Variants in GRID1 observed in about 807,000 individuals in gnomAD.
The protein encoded by GRID1 is glutamate ionotropic receptor delta type subunit 1.
In GRID1, 28 loss-of-function variants were observed where a neutral mutation model predicts 98.0. The ratio of observed to expected loss-of-function variants is 0.29; its 90% CI spans 0.21 to 0.39. GRID1 has a LOEUF of 0.39. Among genes scored for constraint, GRID1 ranks in the 10% least tolerant of loss-of-function variants. GRID1 has a pLI of 1.00. For synonymous variants in GRID1, 553 were observed against 538.5 expected, an observed-to-expected ratio of 1.03 and a Z score of -0.37; for missense variants, 1,111 against 1,340.5, an observed-to-expected ratio of 0.83 and a Z score of 2.67.
intron 14 of GRID1, among the ~76,000 whole-genome samples, chr10:85,616,404 G>A (rs746310818): frequency 3.3e-5 from 5 of 152,114 alleles, no homozygotes; most frequent in Non-Finnish European, 7.3e-5. Flanking sequence ...CTGTTCTTCC[G>A]GGGCCAGCTT....
At chr10:85,936,244 C>A (rs947900329) in intron 4 of GRID1, among the ~76,000 whole-genome samples, 2 of 152,314 alleles carry the variant, frequency 1.3e-5, no homozygotes, top group African/African-American at 2.4e-5. Flanking sequence ...AATTTTAATT[C>A]TTCTAAGGCT....
intron 5 of GRID1, among the ~76,000 whole-genome samples, chr10:85,870,298 G>A (rs575699170): frequency 6.6e-6 from 1 of 152,318 alleles, no homozygotes; most frequent in East Asian, 1.9e-4. Flanking sequence ...TTCAGCTTTT[G>A]GACTCTTGTA....
chr10:86,114,356 G>A (rs946918164), intron 4 of GRID1, among the ~76,000 whole-genome samples: 1 of 152,128 alleles, frequency 6.6e-6, no homozygotes, highest in Non-Finnish European at 1.5e-5. Context: ...GGAAGGCAGT[G>A]GAGAGGTGGC....
intron 8 of GRID1, among the ~76,000 whole-genome samples, chr10:85,799,282 C>T (rs888091637): frequency 6.6e-6 from 1 of 152,062 alleles, no homozygotes; most frequent in African/African-American, 2.4e-5. Context: ...TGTAATGCCT[C>T]CAGCTTTGTT....
chr10:85,698,643 T>G lies in GRID1; in HGVS notation c.1997+24360A>C, dbSNP rs139755097. Among the ~76,000 whole-genome samples the G allele has an allele frequency of 3.3e-4, 50 of 152,350 alleles. No individual in the cohort carries two copies. The East Asian group carries it at 8.9e-3, about 27-fold the overall frequency. On this transcript the variant is annotated intron_variant, in intron 12 of 15. Coordinates refer to ENST00000327946, the MANE Select transcript of GRID1 (RefSeq NM_017551.3). ...CTATAAACATTTATGTAAAGATTTT[T>G]GTGTGGGCATATATTCTTAATTCTT...
intron 13 of GRID1, among the ~76,000 whole-genome samples, chr10:85,620,691 A>T (rs182653069): frequency 4.6e-5 from 7 of 152,320 alleles, no homozygotes; most frequent in Admixed American, 3.9e-4. Flanking sequence ...TTTACTGCCC[A>T]CATATGAAGG....
chr10:86,325,859 T>G (rs1848042333), intron 2 of GRID1, among the ~76,000 whole-genome samples: 1 of 152,180 alleles, frequency 6.6e-6, no homozygotes, highest in South Asian at 2.1e-4. Context: ...GTTCTACCAC[T>G]AAAAATATTT....
rs1842798044 is a variant in GRID1 at position 85,824,191 on chromosome 10, T to C, written c.1233+30305A>G. Among the ~76,000 whole-genome samples the C allele has an allele frequency of 2.6e-5, 4 of 152,124 alleles. No individual in the cohort carries two copies. In the South Asian group the frequency reaches 8.3e-4, roughly 32 times the overall value. On this transcript the variant is annotated intron_variant, in intron 8 of 15. Coordinates refer to ENST00000327946, the MANE Select transcript of GRID1 (RefSeq NM_017551.3). ...AAAAAGAGTTGATTTTGTTTGTTTGTTTGTTTGTTTGTTTGTTTTTTGAGA... is the reference window on the plus strand; with the variant it reads ...AAAAAGAGTTGATTTTGTTTGTTTGCTTGTTTGTTTGTTTGTTTTTTGAGA...
chr10:86,005,013 A>C (rs990007135), intron 4 of GRID1, among the ~76,000 whole-genome samples: 12 of 152,202 alleles, frequency 7.9e-5, no homozygotes, highest in Non-Finnish European at 1.5e-4. Flanking sequence ...TACCAACGTC[A>C]CATCAGGAAA....
At chr10:86,076,726 A>G (rs1437830050) in intron 4 of GRID1, among the ~76,000 whole-genome samples, 1 of 152,076 alleles carries the variant, frequency 6.6e-6, no homozygotes, top group South Asian at 2.1e-4. Context: ...CACCCACATC[A>G]TGGCGAGCAA....
intron 4 of GRID1, among the ~76,000 whole-genome samples, chr10:85,969,148 A>T (rs1383753216): frequency 6.6e-6 from 1 of 152,230 alleles, no homozygotes; most frequent in African/African-American, 2.4e-5. Flanking sequence ...TATGTTTTAT[A>T]AACCTATGTT....
intron 5 of GRID1, among the ~76,000 whole-genome samples, chr10:85,887,828 A>T (rs1841138650): frequency 2.6e-5 from 4 of 152,284 alleles, no homozygotes; most frequent in Admixed American, 2.0e-4. Flanking sequence ...GAAGTTTTGC[A>T]GTGAGTCCTC....
At chr10:86,018,387 G>A (rs1014126868) in intron 4 of GRID1, among the ~76,000 whole-genome samples, 1 of 152,250 alleles carries the variant, frequency 6.6e-6, no homozygotes, top group Non-Finnish European at 1.5e-5. Flanking sequence ...CCATAACCCT[G>A]TCAGGGGAGA....
chr10:85,811,413 C>T (rs1842669666), intron 8 of GRID1, among the ~76,000 whole-genome samples: 1 of 151,844 alleles, frequency 6.6e-6, no homozygotes, highest in African/African-American at 2.4e-5. Context: ...ATACAAAATG[C>T]CAGTGAGATA....
intron 4 of GRID1, among the ~76,000 whole-genome samples, chr10:86,059,925 G>A (rs1291659433): frequency 6.6e-6 from 1 of 152,170 alleles, no homozygotes; most frequent in South Asian, 2.1e-4. Flanking sequence ...ATGCAAACGA[G>A]TATACGTAGC....
At chr10:86,172,425 G>A (rs1845506514) in intron 3 of GRID1, among the ~76,000 whole-genome samples, 1 of 152,136 alleles carries the variant, frequency 6.6e-6, no homozygotes, top group Non-Finnish European at 1.5e-5. Flanking sequence ...TCATTTTGCA[G>A]ATAGGGAGTT....
At chr10:86,326,861 C>T (rs1340113030) in intron 2 of GRID1, among the ~76,000 whole-genome samples, 6 of 152,112 alleles carry the variant, frequency 3.9e-5, no homozygotes, top group African/African-American at 7.2e-5. Flanking sequence ...TTTGGCCAGG[C>T]GCAATGGTTC....
At chr10:85,875,715 C>T (rs1447848301) in intron 5 of GRID1, among the ~76,000 whole-genome samples, 1 of 152,126 alleles carries the variant, frequency 6.6e-6, no homozygotes, top group Non-Finnish European at 1.5e-5. Context: ...TTTTTACTCT[C>T]TTCTTTAATG....
chr10:85,870,034 G>A (rs1843261999), intron 5 of GRID1, among the ~76,000 whole-genome samples: 1 of 152,166 alleles, frequency 6.6e-6, no homozygotes, highest in Non-Finnish European at 1.5e-5. Flanking sequence ...CAACTTGATT[G>A]GATTGAAGGA....
Sources: gnomAD v4.1 joint callset for allele counts (sites outside exome capture counted in the v4.1 genomes callset) on GRCh38, gnomAD v4.1.1 for gene constraint, MANE v1.5 for transcripts, NCBI Gene and HGNC (gene_info 2026-07-23, HGNC 2026-07-21) for gene names.